The following PIP5K1B variants were observed in gnomAD, a reference collection of about 807,000 sequenced individuals.
PIP5K1B encodes phosphatidylinositol-4-phosphate 5-kinase type 1 beta.
Under a neutral mutation model 67.0 loss-of-function variants are expected in PIP5K1B, and 42 were observed. That is an observed-to-expected ratio of 0.63 (90% CI 0.49 to 0.81). The LOEUF (loss-of-function observed/expected upper bound fraction) is 0.81. Among genes scored for constraint, PIP5K1B ranks in the 30% least tolerant of loss-of-function variants. PIP5K1B has a pLI of 0.00. For missense variants in PIP5K1B, 459 were observed against 646.3 expected (o/e 0.71, Z 3.14); for synonymous variants, 214 against 231.4 (o/e 0.92, Z 0.68).
At chr9:68,768,840 G>C (rs1830553193) in intron 2 of PIP5K1B, among the ~76,000 whole-genome samples, 1 of 152,194 alleles carries the variant, frequency 6.6e-6, no homozygotes, top group Admixed American at 6.5e-5. Context: ...TATTCTCTCA[G>C]TACTGTCACC....
At chr9:68,940,914 G>A (rs2132638313) in intron 14 of PIP5K1B, 124 bp downstream of exon 14, 1 of 883,692 alleles carries the variant, frequency 1.1e-6, no homozygotes, top group Non-Finnish European at 1.9e-6. Flanking sequence ...CTGCCTCATA[G>A]GTCGGAGAGA....
At chr9:69,000,031 G>A (rs114282417) in intron 15 of PIP5K1B, among the ~76,000 whole-genome samples, 12 of 152,242 alleles carry the variant, frequency 7.9e-5, no homozygotes, top group African/African-American at 2.9e-4. Flanking sequence ...CTTTCAAGTT[G>A]GACTGGAGGC....
At chr9:68,920,494 A>G (rs1422321661) in intron 11 of PIP5K1B, among the ~76,000 whole-genome samples, 1 of 148,384 alleles carries the variant, frequency 6.7e-6, no homozygotes, top group Non-Finnish European at 1.5e-5. Context: ...CACCCTCCTG[A>G]GTAGCTGGGA....
At chr9:68,777,552 T>C (rs913214331) in intron 2 of PIP5K1B, among the ~76,000 whole-genome samples, 5 of 152,218 alleles carry the variant, frequency 3.3e-5, no homozygotes, top group Non-Finnish European at 7.3e-5. Flanking sequence ...CACTGAATCA[T>C]ACATGACTCA....
At chr9:68,828,610 G>A (rs1834114739) in intron 4 of PIP5K1B, among the ~76,000 whole-genome samples, 1 of 152,160 alleles carries the variant, frequency 6.6e-6, no homozygotes. Flanking sequence ...GCCTTTTATT[G>A]CTTTTTCACC....
chr9:68,833,928 C>G (rs1215134363), intron 4 of PIP5K1B, among the ~76,000 whole-genome samples: 5 of 152,136 alleles, frequency 3.3e-5, no homozygotes, highest in African/African-American at 9.7e-5. Flanking sequence ...GGACTTGGGA[C>G]TCAAGGAAGA....
intron 2 of PIP5K1B, among the ~76,000 whole-genome samples, chr9:68,761,820 A>G (rs919371474): frequency 1.3e-5 from 2 of 152,114 alleles, no homozygotes; most frequent in Non-Finnish European, 1.5e-5. Context: ...CTGATTAGCA[A>G]TCTTAACTTC....
chr9:68,800,973 T>C (rs985812600), intron 2 of PIP5K1B, among the ~76,000 whole-genome samples: 1 of 152,140 alleles, frequency 6.6e-6, no homozygotes, highest in Non-Finnish European at 1.5e-5. Context: ...AAATCCCAGA[T>C]AGGAAAAGTG....
At chr9:68,902,925 G>A (rs146502672) in intron 8 of PIP5K1B, among the ~76,000 whole-genome samples, 65 of 152,272 alleles carry the variant, frequency 4.3e-4, no homozygotes, top group African/African-American at 1.3e-3. Flanking sequence ...AAAAGAAAGC[G>A]GAAAAACTCA....
intron 5 of PIP5K1B, among the ~76,000 whole-genome samples, chr9:68,869,486 G>A (rs1823523606): frequency 6.6e-6 from 1 of 152,198 alleles, no homozygotes; most frequent in African/African-American, 2.4e-5. Flanking sequence ...TATATCATGT[G>A]GGTCAGCATA....
intron 2 of PIP5K1B, among the ~76,000 whole-genome samples, chr9:68,792,842 C>T (rs933257410): frequency 6.6e-6 from 1 of 152,130 alleles, no homozygotes; most frequent in Non-Finnish European, 1.5e-5. Context: ...AGTCACATGG[C>T]TGAGCCCTTT....
chr9:68,930,939 A>G (rs1564244623), intron 12 of PIP5K1B, among the ~76,000 whole-genome samples: 1 of 152,150 alleles, frequency 6.6e-6, no homozygotes, highest in Non-Finnish European at 1.5e-5. Flanking sequence ...AAGGGTAATT[A>G]AATTATTAGA....
At chr9:68,979,538 CCTAT>C (rs879395989) in intron 14 of PIP5K1B, among the ~76,000 whole-genome samples, 134,841 of 148,358 alleles carry the variant, frequency 0.91, 61,058 homozygotes, top group Non-Finnish European at 0.98. Context: ...ATATTTATAT[CCTAT>C]CACACACAGA....
intron 4 of PIP5K1B, among the ~76,000 whole-genome samples, chr9:68,863,152 A>G (rs1823185605): frequency 4.6e-5 from 7 of 152,110 alleles, no homozygotes; most frequent in Admixed American, 4.6e-4. Flanking sequence ...GCCTCTACCC[A>G]CTAGACGTAA....
intron 2 of PIP5K1B, among the ~76,000 whole-genome samples, chr9:68,772,287 C>G (rs1366681089): frequency 6.6e-6 from 1 of 152,210 alleles, no homozygotes; most frequent in Admixed American, 6.5e-5. Flanking sequence ...CTTGAATCTT[C>G]TCTCAGTTGC....
intron 14 of PIP5K1B, among the ~76,000 whole-genome samples, chr9:68,945,506 CT>C (rs1360141354): frequency 1.3e-5 from 2 of 152,168 alleles, no homozygotes; most frequent in African/African-American, 4.8e-5. Context: ...GTGAATTTTG[CT>C]TATTAAAAAC....
chr9:68,903,517 G>A (rs1331415234), intron 8 of PIP5K1B, among the ~76,000 whole-genome samples: 1 of 152,146 alleles, frequency 6.6e-6, no homozygotes, highest in Admixed American at 6.6e-5. Flanking sequence ...AACTGGTGTC[G>A]CCATTGAAGA....
intron 2 of PIP5K1B, among the ~76,000 whole-genome samples, chr9:68,772,319 A>G (rs991841397): frequency 4.6e-5 from 7 of 152,152 alleles, no homozygotes; most frequent in Non-Finnish European, 1.0e-4. Context: ...TGTCTGAGAG[A>G]GGCTGGGTTC....
intron 14 of PIP5K1B, among the ~76,000 whole-genome samples, chr9:68,943,660 GA>G (rs1048327699): frequency 2.8e-5 from 4 of 144,924 alleles, no homozygotes; most frequent in African/African-American, 2.5e-5. Flanking sequence ...GCATTGAAAA[GA>G]AAAAAAAAAG....
Sources: allele counts gnomAD v4.1 joint callset (sites outside exome capture counted in the v4.1 genomes callset), GRCh38; gene constraint gnomAD v4.1.1; transcripts MANE v1.5; gene names NCBI Gene and HGNC (gene_info 2026-07-23, HGNC 2026-07-21).